SVEP1: variants seen among roughly 807,000 people sequenced by gnomAD.
SVEP1 encodes the protein sushi, von Willebrand factor type A, EGF and pentraxin domain-containing protein 1.
A neutral mutation model predicts 367.3 loss-of-function variants in SVEP1; 164 were observed. The observed-to-expected ratio is 0.45, with a 90% CI of 0.39 to 0.51. The LOEUF (loss-of-function observed/expected upper bound fraction) is 0.51. Ranked by LOEUF, SVEP1 falls within the 20% of genes least tolerant of loss-of-function variation. SVEP1 has a pLI of 0.00. For synonymous variants in SVEP1, 1,666 were observed against 1,611.6 expected, an observed-to-expected ratio of 1.03 and a Z score of -0.81; for missense variants, 4,117 against 4,425.3, an observed-to-expected ratio of 0.93 and a Z score of 1.98.
chr9:110,438,298 C>T lies in SVEP1; in HGVS notation c.4640-1794G>A, dbSNP rs1438127914. On this transcript the variant is annotated intron_variant, in intron 27 of 47. Transcript: ENST00000374469. ...ACCTCCCAGATTCAGGTGATTCTCA[C>T]GCCTCAGCCTCCCAAATAGATAGCT... is the stretch of plus-strand genomic sequence containing the variant. Among the ~76,000 whole-genome samples the T allele has an allele frequency of 6.0e-5, 9 of 150,362 alleles. No homozygotes were observed. The South Asian group carries it at 8.4e-4, about 14-fold the overall frequency.
intron 1 of SVEP1, among the ~76,000 whole-genome samples, chr9:110,559,062 TTATC>T (rs769271958): frequency 6.6e-6 from 1 of 152,100 alleles, no homozygotes; most frequent in Non-Finnish European, 1.5e-5. Flanking sequence ...GTATGATAGA[TTATC>T]TATCTCAAAA....
chr9:110,528,589 G>A (rs1829975772), intron 3 of SVEP1, among the ~76,000 whole-genome samples: 1 of 151,702 alleles, frequency 6.6e-6, no homozygotes, highest in Admixed American at 6.6e-5. Flanking sequence ...ATGTTTGTTG[G>A]CCATTTATAT....
chr9:110,444,277 G>T (rs1043476410), intron 26 of SVEP1, among the ~76,000 whole-genome samples: 2 of 152,150 alleles, frequency 1.3e-5, no homozygotes, highest in Non-Finnish European at 2.9e-5. Context: ...AAGTGATTAG[G>T]TCATGAAGGC....
chr9:110,501,355 T>G (rs1465381015), intron 6 of SVEP1, among the ~76,000 whole-genome samples: 1 of 151,826 alleles, frequency 6.6e-6, no homozygotes, highest in Non-Finnish European at 1.5e-5. Context: ...ATCTTTTGAA[T>G]GTCATATTTT....
At chr9:110,377,182 C>G in intron 45 of SVEP1, 89 bp downstream of exon 45, 1 of 1,194,298 alleles carries the variant, frequency 8.4e-7, no homozygotes, top group East Asian at 2.4e-5. Context: ...TTCTTCCCAA[C>G]AGTACAACCA....
intron 39 of SVEP1, among the ~76,000 whole-genome samples, chr9:110,402,881 T>C (rs532769979): frequency 1.1e-4 from 16 of 152,308 alleles, no homozygotes; most frequent in East Asian, 7.7e-4. Context: ...AGGTTTGACA[T>C]TGACCAATCA....
At position 110,408,392 on chromosome 9, in the gene SVEP1, G is replaced by T. The variant is rs778322026; in HGVS notation, c.7208C>A (p.Thr2403Asn). The T allele has an allele frequency of 8.7e-6, 14 of 1,613,840 alleles. No homozygotes were observed. The African/African-American group carries it at 1.9e-4, about 22-fold the overall frequency. ...IPSSALHFGS[T>N]VKYSCVGGFF... is the part of the protein sequence containing the mutation. The stretch of plus-strand genomic sequence containing the variant: ...CCCACCTACACAAGAATACTTGACA[G>T]TACTTCCAAAATGAAGAGCAGAAGA... The change falls in exon 38 of 48, where the codon ACT becomes AAT. Residue 2403 changes from threonine (T) to asparagine (N), a missense_variant. This residue lies in a region of SVEP1 where 1,765 missense variants were observed against 1,781.1 expected (regional missense o/e 0.99). Transcript: ENST00000374469.
intron 6 of SVEP1, among the ~76,000 whole-genome samples, chr9:110,500,704 G>T (rs1448286392): frequency 6.6e-6 from 1 of 151,996 alleles, no homozygotes; most frequent in Non-Finnish European, 1.5e-5. Context: ...TTTCCCCTAT[G>T]ATCAGTTAAA....
Position 110,366,554 on chromosome 9 carries a change from C to T in SVEP1, c.10701G>A (p.Arg3567=). ...CGTGCAGTGGTTAAAACCCAGTCCT[C>T]CTTTTCCTGGAAAAAAAAAAAAAAG... ...SWTGHNCSRK[R]RTGF Residue 3567 remains arginine (R), a synonymous_variant, in exon 48 of 48, where the codon AGG becomes AGA. Transcript: ENST00000374469. The T allele has an allele frequency of 6.5e-7, 1 of 1,535,488 alleles. No individual in the cohort carries two copies. Among genetic ancestry groups the T allele is most frequent in the Non-Finnish European group, 8.7e-7 (1 of 1,146,612 alleles).
intron 47 of SVEP1, among the ~76,000 whole-genome samples, chr9:110,366,842 G>T (rs10114269): frequency 0.078 from 11,834 of 152,204 alleles, 910 homozygotes; most frequent in African/African-American, 0.2. Context: ...TCTGTAAAAT[G>T]AGGGGTTTGG....
chr9:110,405,726 T>A (rs1827943862), intron 38 of SVEP1, among the ~76,000 whole-genome samples: 1 of 152,236 alleles, frequency 6.6e-6, no homozygotes, highest in Non-Finnish European at 1.5e-5. Context: ...TTAATCCTGA[T>A]TATTTGGCAT....
chr9:110,404,767 G>C (rs1827929880), intron 38 of SVEP1, among the ~76,000 whole-genome samples: 1 of 152,194 alleles, frequency 6.6e-6, no homozygotes, highest in African/African-American at 2.4e-5. Flanking sequence ...GCTCATGCCT[G>C]TAATCCCTGC....
At position 110,579,154 on chromosome 9, in the gene SVEP1, C is replaced by T. The variant is rs749240442; in HGVS notation, c.390G>A (p.Lys130=). The T allele has an allele frequency of 2.6e-6, 4 of 1,562,070 alleles. No homozygotes were observed. The highest frequency in any genetic ancestry group is 1.4e-5 in the African/African-American group (1 of 73,524). ...AATCGACGCGCGGCACCACGTAGTT[C>T]TTGGACGAGAAGGTCACGATGGCCA... ...TRVAIVTFSS[K]NYVVPRVDYI... is the part of the protein sequence containing the mutation. The change falls in exon 1 of 48, where the codon AAG becomes AAA. Residue 130 remains lysine, a synonymous_variant. Coordinates refer to ENST00000374469, the MANE Select transcript of SVEP1 (RefSeq NM_153366.4). This position sits in a 1 kb window ranked among gnomAD's most constrained non-coding sequence, Gnocchi z 5.3.
intron 25 of SVEP1, 37 bp from the exon 26 acceptor site, chr9:110,446,075 T>A (rs1359846746): frequency 2.6e-6 from 4 of 1,546,060 alleles, no homozygotes; most frequent in Non-Finnish European, 3.5e-6. Flanking sequence ...ACTGTGGCAC[T>A]TGAAAGACAT....
At chr9:110,402,491 C>A (rs1206049940) in intron 39 of SVEP1, among the ~76,000 whole-genome samples, 1 of 151,992 alleles carries the variant, frequency 6.6e-6, no homozygotes, top group African/African-American at 2.4e-5. Flanking sequence ...TTCTACTTTT[C>A]AGACCAAAAA....
intron 13 of SVEP1, among the ~76,000 whole-genome samples, chr9:110,476,695 C>A (rs1829100651): frequency 6.6e-6 from 1 of 152,114 alleles, no homozygotes; most frequent in African/African-American, 2.4e-5. Context: ...CAGTAATCAG[C>A]AAATCTGTTA....
At chr9:110,444,950 C>A (rs552629032) in intron 26 of SVEP1, among the ~76,000 whole-genome samples, 1 of 152,122 alleles carries the variant, frequency 6.6e-6, no homozygotes, top group Non-Finnish European at 1.5e-5. Flanking sequence ...AGACTTCTAC[C>A]AGAATAGTGA....
intron 1 of SVEP1, among the ~76,000 whole-genome samples, chr9:110,550,478 T>TTATC (rs10550734): frequency 0.11 from 16,518 of 148,886 alleles, 894 homozygotes; most frequent in East Asian, 0.15. Context: ...ATTCCACAAA[T>TTATC]TATCTATCTA....
At chr9:110,371,871 T>TGGG (rs879892698) in intron 46 of SVEP1, among the ~76,000 whole-genome samples, 33 of 152,228 alleles carry the variant, frequency 2.2e-4, no homozygotes, top group African/African-American at 7.0e-4. Context: ...TGAATCTCTC[T>TGGG]ATTGTAAGTC....
Sources: gnomAD v4.1 joint callset for allele counts (sites outside exome capture counted in the v4.1 genomes callset) on GRCh38, gnomAD v4.1.1 for gene constraint, gnomAD v4.1.1 regional missense constraint, Gnocchi (gnomAD v3.1) non-coding constraint, MANE v1.5 for transcripts, NCBI Gene and HGNC (gene_info 2026-07-23, HGNC 2026-07-21) for gene names.